CA12: variants seen among roughly 807,000 people sequenced by gnomAD.
CA12 encodes carbonic anhydrase 12, also known as carbonate dehydratase XII.
In CA12, 36 loss-of-function variants were observed where a neutral mutation model predicts 46.8. The ratio of observed to expected loss-of-function variants is 0.77; its 90% CI spans 0.59 to 1.02. CA12 has a LOEUF of 1.02. CA12 is among the 50% of genes least tolerant of loss of function. CA12 has a pLI of 0.00. For synonymous variants in CA12, 202 were observed against 187.0 expected (o/e 1.08, Z -0.65); for missense variants, 436 against 451.4 (o/e 0.97, Z 0.31).
In CA12 at chr15:63,340,237, T is replaced by C; in HGVS notation, c.747+51A>G. ...TCATTGATTGTGATATGGAGGATGA[T>C]GGGGACTGAGGTGCCGCGTGGACTC... On this transcript the variant is annotated intron_variant, in intron 7 of 10. Transcript: ENST00000178638. This position sits in a 1 kb window ranked among gnomAD's most constrained non-coding sequence, Gnocchi z 4.4. The C allele has an allele frequency of 2.5e-6, 4 of 1,600,280 alleles. No homozygotes were observed. The highest frequency in any genetic ancestry group is 2.2e-5 in the East Asian group (1 of 44,806).
At chr15:63,326,568 C>T (rs1361352850) in intron 10 of CA12, among the ~76,000 whole-genome samples, 2 of 152,178 alleles carry the variant, frequency 1.3e-5, no homozygotes, top group East Asian at 3.8e-4. Context: ...TTCTCTTTCA[C>T]ACCTAACAGT....
In CA12 at chr15:63,324,046, A is replaced by G. The variant is rs1311357223; in HGVS notation, c.*2239T>C. The G allele has an allele frequency of 6.6e-6, 1 of 152,326 alleles. No individual in the cohort carries two copies. Among genetic ancestry groups the G allele is most frequent in the African/African-American group, 2.4e-5 (1 of 41,464 alleles). The allele number at this position is 152,326 out of a possible 1,614,324, so 9.4% of individuals were successfully genotyped here. A position where few individuals can be genotyped will look rare whatever the true frequency, so the allele number is the denominator to read the frequency against. Reference sequence around the variant, plus strand: ...GCATCCTTCAGGGGCAGCTGGCATCAGTGGAATGAGTGCGGATCCGAAGAA... The same window carrying G: ...GCATCCTTCAGGGGCAGCTGGCATCGGTGGAATGAGTGCGGATCCGAAGAA... On this transcript the variant is annotated 3_prime_UTR_variant, in exon 11 of 11. Coordinates refer to ENST00000178638, the MANE Select transcript of CA12 (RefSeq NM_001218.5).
chr15:63,335,953 G>A (rs34381378), intron 8 of CA12, among the ~76,000 whole-genome samples: 5 of 152,188 alleles, frequency 3.3e-5, no homozygotes, highest in East Asian at 1.9e-4. Flanking sequence ...GGAAGCAGCC[G>A]CACTTGCTGC....
Position 63,346,612 on chromosome 15 carries a change from G to A in CA12, c.204C>T (p.Asp68=), listed in dbSNP as rs114236166. ...IDLHSDILQY[D]ASLTPLEFQG... ...GGAACTCGAGGGGCGTGAGGCTGGC[G>A]TCATACTGGAGGATGTCACTGTGCA... Residue 68 remains aspartate, a synonymous_variant, in exon 3 of 11, where the codon GAC becomes GAT. Transcript: ENST00000178638. 4.7e-4 allele frequency: 761 copies of A among 1,610,392 alleles called. 4 individuals carry two copies. The African/African-American group carries it at 8.6e-3, about 18-fold the overall frequency.
Position 63,345,741 on chromosome 15 carries a change from G to A in CA12, c.287-122C>T, listed in dbSNP as rs1437686964. 3 of 1,269,294 alleles carry A rather than the reference G, an allele frequency of 2.4e-6. No homozygotes were observed. The highest frequency in any genetic ancestry group is 3.3e-6 in the Non-Finnish European group (3 of 904,898). The allele number at this position is 1,269,294 out of a possible 1,614,324, so 78.6% of individuals were successfully genotyped here. On this transcript the variant is annotated intron_variant, in intron 3 of 10. Coordinates refer to ENST00000178638, the MANE Select transcript of CA12 (RefSeq NM_001218.5). This position sits in a 1 kb window ranked among gnomAD's most constrained non-coding sequence, Gnocchi z 4.3. ...CCCCCTGGAGCCCAGAGAGAGGCAG[G>A]TGGATGGAGTGAGGTGCGGAGCAGA...
chr15:63,361,718 AG>A (rs1191533598), intron 2 of CA12, among the ~76,000 whole-genome samples: 3 of 152,290 alleles, frequency 2.0e-5, no homozygotes, highest in East Asian at 1.9e-4. Flanking sequence ...TCTCTGGGGC[AG>A]GAAAGAGTGG....
chr15:63,380,047 T>C (rs945023556), intron 1 of CA12, among the ~76,000 whole-genome samples: 1 of 152,246 alleles, frequency 6.6e-6, no homozygotes, highest in Non-Finnish European at 1.5e-5. Flanking sequence ...AACTTTGGGT[T>C]CATGCTGACA....
chr15:63,331,822 C>G lies in CA12; in HGVS notation c.875-3692G>C. 1 of 152,170 alleles carries G rather than the reference C, an allele frequency of 6.6e-6. No individual in the cohort carries two copies. Among genetic ancestry groups the G allele is most frequent in the East Asian group, 1.9e-4 (1 of 5,186 alleles). The allele number at this position is 152,170 out of a possible 1,614,324, so 9.4% of individuals were successfully genotyped here. On this transcript the variant is annotated intron_variant, in intron 8 of 10. Coordinates refer to ENST00000178638, the MANE Select transcript of CA12 (RefSeq NM_001218.5). This position sits in a 1 kb window ranked among gnomAD's most constrained non-coding sequence, Gnocchi z 5.3. Reference sequence around the variant, plus strand: ...CGGCATCTTGCTGGACTGAGGGATGCTGGTTAAGGGCTTTTGAGGTCTTCT... The same window carrying G: ...CGGCATCTTGCTGGACTGAGGGATGGTGGTTAAGGGCTTTTGAGGTCTTCT...
intron 2 of CA12, among the ~76,000 whole-genome samples, chr15:63,364,346 A>AAAAAAAAAAAAAAC (rs1555431593): frequency 1.4e-5 from 2 of 146,888 alleles, no homozygotes; most frequent in Non-Finnish European, 3.0e-5. Flanking sequence ...AAAAAAAAAA[A>AAAAAAAAAAAAAAC]AAAAAAAAAC....
At chr15:63,375,816 T>TC (rs2039563420) in intron 1 of CA12, 138 bp from the exon 2 acceptor site, 1 of 686,122 alleles carries the variant, frequency 1.5e-6, no homozygotes, top group East Asian at 2.8e-5. Flanking sequence ...TTTTTCTTTT[T>TC]TTTTTTTTTC....
rs962939378 is a variant in CA12, at chr15:63,355,493, C to T, written c.107-8784G>A. Among the ~76,000 whole-genome samples, 7 of 152,178 alleles carry T rather than the reference C, an allele frequency of 4.6e-5. No individual in the cohort carries two copies. The highest frequency in any genetic ancestry group is 1.4e-4 in the African/African-American group (6 of 41,446). ...ACCGAACCGGACACTCTGGGGGTGG[C>T]GCCCAGCATCTGCCGTTGGACAAGG... is the stretch of plus-strand genomic sequence containing the variant. On this transcript the variant is annotated intron_variant, in intron 2 of 10. Transcript: ENST00000178638. The surrounding 1 kb of genome is among the most constrained non-coding windows in gnomAD (Gnocchi z 4.1).
At chr15:63,336,070 A>G (rs1017960684) in intron 8 of CA12, among the ~76,000 whole-genome samples, 22 of 152,226 alleles carry the variant, frequency 1.4e-4, no homozygotes, top group African/African-American at 5.3e-4. Flanking sequence ...AGTCTCACTC[A>G]GAGGAGAAAG....
At chr15:63,342,191 A>AC in intron 4 of CA12, 94 bp from the exon 5 acceptor site, 1 of 810,022 alleles carries the variant, frequency 1.2e-6, no homozygotes, top group Non-Finnish European at 2.1e-6. Flanking sequence ...TGAGGACAGA[A>AC]CCCCAGCCCC....
chr15:63,366,112 G>A (rs2039432141), intron 2 of CA12, among the ~76,000 whole-genome samples: 1 of 141,108 alleles, frequency 7.1e-6, no homozygotes. Flanking sequence ...CTGCACTCCA[G>A]CCTGGGTGAC....
intron 8 of CA12, among the ~76,000 whole-genome samples, chr15:63,337,272 TA>T (rs2039015277): frequency 6.6e-6 from 1 of 152,150 alleles, no homozygotes; most frequent in African/African-American, 2.4e-5. Flanking sequence ...ATCCTGACCG[TA>T]AGGATGGGTC....
chr15:63,335,282 A>T (rs746500682), intron 8 of CA12, among the ~76,000 whole-genome samples: 2 of 152,156 alleles, frequency 1.3e-5, no homozygotes, highest in African/African-American at 2.4e-5. Flanking sequence ...GCTAAGGTGT[A>T]GCTGGACTAT....
At chr15:63,371,386 T>C (rs2039504360) in intron 2 of CA12, among the ~76,000 whole-genome samples, 1 of 151,808 alleles carries the variant, frequency 6.6e-6, no homozygotes. Context: ...TCACACCGAG[T>C]CCTGCCAGAG....
At chr15:63,352,353 A>G (rs972252717) in intron 2 of CA12, among the ~76,000 whole-genome samples, 1 of 152,236 alleles carries the variant, frequency 6.6e-6, no homozygotes, top group Non-Finnish European at 1.5e-5. Context: ...CACCGCACCC[A>G]GCCTGTGTTT....
At chr15:63,361,872 G>A (rs1485215106) in intron 2 of CA12, among the ~76,000 whole-genome samples, 2 of 152,176 alleles carry the variant, frequency 1.3e-5, no homozygotes, top group Non-Finnish European at 2.9e-5. Flanking sequence ...TTCCTTTTAG[G>A]TTGTCATTGT....
Sources: gnomAD v4.1 joint callset for allele counts (sites outside exome capture counted in the v4.1 genomes callset) on GRCh38, gnomAD v4.1.1 for gene constraint, Gnocchi (gnomAD v3.1) non-coding constraint, MANE v1.5 for transcripts, NCBI Gene and HGNC (gene_info 2026-07-23, HGNC 2026-07-21) for gene names.